CACNA1B: variants seen among roughly 807,000 people sequenced by gnomAD.
CACNA1B encodes calcium voltage-gated channel subunit alpha1 B, also known as voltage-dependent N-type calcium channel subunit alpha-1B.
Under a neutral mutation model 247.2 loss-of-function variants are expected in CACNA1B, and 70 were observed. The ratio of observed to expected loss-of-function variants is 0.28; its 90% confidence interval spans 0.23 to 0.35. The LOEUF is 0.35. Among genes scored for constraint, CACNA1B ranks in the 10% least tolerant of loss-of-function variants. The pLI is 1.00. For missense variants in CACNA1B, 2,367 were observed against 3,197.4 expected, an observed-to-expected ratio of 0.74 and a Z score of 6.26; for synonymous variants, 1,231 against 1,294.4, an observed-to-expected ratio of 0.95 and a Z score of 1.05.
chr9:137,922,174 G>A (rs531719607), intron 6 of CACNA1B, among the ~76,000 whole-genome samples: 232 of 144,240 alleles, frequency 1.6e-3, no homozygotes, highest in Non-Finnish European at 2.1e-3. Context: ...ACACCGCACA[G>A]CATCCTGGGA....
chr9:138,065,814 A>G (rs1295270864), intron 31 of CACNA1B, among the ~76,000 whole-genome samples: 2 of 152,136 alleles, frequency 1.3e-5, no homozygotes, highest in Non-Finnish European at 2.9e-5. Context: ...TGTGGATGCT[A>G]ATGATATCTT....
intron 6 of CACNA1B, among the ~76,000 whole-genome samples, chr9:137,924,942 G>A (rs1366525961): frequency 6.6e-6 from 1 of 152,212 alleles, no homozygotes; most frequent in Non-Finnish European, 1.5e-5. Context: ...CAGGCAGCCA[G>A]TGCCTGGTTG....
At chr9:138,047,344 A>G in intron 22 of CACNA1B, 55 bp from the exon 23 acceptor site, 1 of 1,360,032 alleles carries the variant, frequency 7.4e-7, no homozygotes, top group Non-Finnish European at 1.1e-6. Flanking sequence ...CACCGAGGGC[A>G]CCCTGGCTCA....
In CACNA1B at chr9:138,073,528, C is replaced by T; in HGVS notation, c.4715C>T (p.Ala1572Val). ...INLSFLRLFR[A>V]ARLIKLLRQG... Reference sequence around the variant, plus strand: ...CTCAGCTTCCTCCGCCTCTTTCGAGCTGCGCGGCTGATCAAGCTGCTCCGC... The same window carrying T: ...CTCAGCTTCCTCCGCCTCTTTCGAGTTGCGCGGCTGATCAAGCTGCTCCGC... Residue 1572 changes from alanine (A) to valine (V), a missense_variant, in exon 33 of 47, where the codon GCT becomes GTT. Transcript: ENST00000371372. This position sits in a 1 kb window ranked among gnomAD's most constrained non-coding sequence, Gnocchi z 6.4. 1.9e-6 allele frequency: 3 copies of T among 1,613,284 alleles called. No homozygotes were observed. Among genetic ancestry groups the T allele is most frequent in the Non-Finnish European group, 2.5e-6 (3 of 1,179,296 alleles).
Position 138,010,152 on chromosome 9 carries a change from C to A in CACNA1B, c.2160+75C>A. ...GGCCGCAGCCAGGAAGAGTCTGGGT[C>A]CTGGGTTAGGGCCTCGTGTCCAGGA... is the stretch of plus-strand genomic sequence containing the variant. On this transcript the variant is annotated intron_variant, in intron 17 of 46. Coordinates refer to ENST00000371372, the MANE Select transcript of CACNA1B (RefSeq NM_000718.4). The surrounding 1 kb of genome is among the most constrained non-coding windows in gnomAD (Gnocchi z 5.3). The A allele has an allele frequency of 7.9e-7, 1 of 1,261,236 alleles. No individual in the cohort carries two copies. Among genetic ancestry groups the A allele is most frequent in the Non-Finnish European group, 1.2e-6 (1 of 862,126 alleles). 78.1% of individuals were successfully genotyped at this position (1,261,236 alleles called of 1,614,324 possible). A position where few individuals can be genotyped will look rare whatever the true frequency, so the allele number is the denominator to read the frequency against.
intron 20 of CACNA1B, among the ~76,000 whole-genome samples, chr9:138,029,609 CTTTTT>C (rs11320503): frequency 8.6e-6 from 1 of 115,824 alleles, no homozygotes. Flanking sequence ...TTTTCTTTTC[CTTTTT>C]TTTTTTTTTT....
intron 31 of CACNA1B, among the ~76,000 whole-genome samples, chr9:138,062,946 A>G (rs536331235): frequency 2.6e-4 from 39 of 152,366 alleles, no homozygotes; most frequent in South Asian, 1.7e-3. Flanking sequence ...TGTGAGGTGC[A>G]ATCACTAACT....
rs1292915376 is a variant in CACNA1B, at chr9:138,100,577, A to G, written c.5223-2134A>G. 6.6e-6 allele frequency among the ~76,000 whole-genome samples: 1 copy of G among 152,178 alleles called. No homozygotes were observed. The highest frequency in any genetic ancestry group is 1.5e-5 in the Non-Finnish European group (1 of 68,022). On this transcript the variant is annotated intron_variant, in intron 37 of 46. Coordinates refer to ENST00000371372, the MANE Select transcript of CACNA1B (RefSeq NM_000718.4). The surrounding 1 kb of genome is among the most constrained non-coding windows in gnomAD (Gnocchi z 4.6). Reference sequence around the variant, plus strand: ...GATTGGACCGAGGGGGCTACACTGTAGGAGAGAGGAGCATTGGTGGTGATC... The same window carrying G: ...GATTGGACCGAGGGGGCTACACTGTGGGAGAGAGGAGCATTGGTGGTGATC...
chr9:138,052,250 G>T lies in CACNA1B; in HGVS notation c.3807+62G>T. ...TGTGTGTGTGCGTGTGTGTGTGTGC[G>T]TGTGTGTGTGTGTATGCATGCAGTG... On this transcript the variant is annotated intron_variant, in intron 25 of 46. Coordinates refer to ENST00000371372, the MANE Select transcript of CACNA1B (RefSeq NM_000718.4). The surrounding 1 kb of genome is among the most constrained non-coding windows in gnomAD (Gnocchi z 5.1). 1 of 603,734 alleles carries T rather than the reference G, an allele frequency of 1.7e-6. No homozygotes were observed. Among genetic ancestry groups the T allele is most frequent in the Non-Finnish European group, 2.7e-6 (1 of 377,354 alleles). 37.4% of individuals were successfully genotyped at this position (603,734 alleles called of 1,614,324 possible).
chr9:137,931,931 C>A (rs1346494617), intron 6 of CACNA1B, among the ~76,000 whole-genome samples: 3 of 152,094 alleles, frequency 2.0e-5, no homozygotes, highest in Non-Finnish European at 2.9e-5. Flanking sequence ...ACCAGGAGCC[C>A]CATGACTCAG....
At chr9:138,087,410 G>GA (rs1206209496) in intron 36 of CACNA1B, among the ~76,000 whole-genome samples, 2 of 125,708 alleles carry the variant, frequency 1.6e-5, no homozygotes, top group East Asian at 2.7e-4. Context: ...AAAAGAAAAA[G>GA]AAAAAAAAGA....
At chr9:137,935,347 T>C (rs1245355987) in intron 6 of CACNA1B, among the ~76,000 whole-genome samples, 2 of 152,244 alleles carry the variant, frequency 1.3e-5, no homozygotes, top group South Asian at 4.2e-4. Context: ...AGTGAGAACA[T>C]GCGGTGTTTG....
chr9:137,960,260 CACCCGGAGAGAA>C (rs1564208769), intron 10 of CACNA1B, among the ~76,000 whole-genome samples: 750 of 6,236 alleles, frequency 0.12, no homozygotes, highest in Middle Eastern at 0.18. Context: ...GCCTGAGGGA[CACCCGGAGAGAA>C]GGGAGGTCCG....
chr9:137,991,674 G>A (rs1388143562), intron 15 of CACNA1B, among the ~76,000 whole-genome samples: 2 of 152,160 alleles, frequency 1.3e-5, no homozygotes, highest in Non-Finnish European at 2.9e-5. Flanking sequence ...AATCTTAAGA[G>A]CTATGAGGCA....
chr9:138,052,241 T>C lies in CACNA1B; in HGVS notation c.3807+53T>C, dbSNP rs779155739. ...GATGTGCTGTGTGTGTGTGCGTGTG[T>C]GTGTGTGCGTGTGTGTGTGTGTATG... On this transcript the variant is annotated intron_variant, in intron 25 of 46. Transcript: ENST00000371372. This position sits in a 1 kb window ranked among gnomAD's most constrained non-coding sequence, Gnocchi z 5.1. 69 of 843,556 alleles carry C rather than the reference T, an allele frequency of 8.2e-5. No individual in the cohort carries two copies. The Middle Eastern group carries it at 1.7e-3, about 20-fold the overall frequency. 52.3% of individuals were successfully genotyped at this position (843,556 alleles called of 1,614,324 possible).
chr9:137,921,914 T>C (rs1205271387), intron 6 of CACNA1B, among the ~76,000 whole-genome samples: 2 of 139,452 alleles, frequency 1.4e-5, no homozygotes. Flanking sequence ...GAGTAAAGCG[T>C]TCGGAGAACA....
At chr9:138,009,889 G>A in intron 16 of CACNA1B, 121 bp from the exon 17 acceptor site, 1 of 724,176 alleles carries the variant, frequency 1.4e-6, no homozygotes, top group Admixed American at 2.2e-5. Flanking sequence ...GCCTTGGGGA[G>A]CTGGTAGGTG....
chr9:138,043,781 C>T lies in CACNA1B; in HGVS notation c.3294C>T (p.Asn1098=), dbSNP rs781273293. ...GGCCCTGTGTCCTTGTAGGTGGTAACGTGGACCTGGAAAGCCAAGCAGAGG... is the reference window on the plus strand; with the variant it reads ...GGCCCTGTGTCCTTGTAGGTGGTAATGTGGACCTGGAAAGCCAAGCAGAGG... ...LGEATVVPSG[N]VDLESQAEGK... is the part of the protein sequence containing the mutation. Residue 1098 remains asparagine (N), a synonymous_variant, in exon 21 of 47, where the codon AAC becomes AAT. Coordinates refer to ENST00000371372, the MANE Select transcript of CACNA1B (RefSeq NM_000718.4). 33 of 1,613,682 alleles carry T rather than the reference C, an allele frequency of 2.0e-5. No individual in the cohort carries two copies. Among genetic ancestry groups the T allele is most frequent in the African/African-American group, 9.4e-5 (7 of 74,860 alleles).
rs1957050301 is a variant in CACNA1B, at chr9:137,888,536, C to T, written c.530+5653C>T. The stretch of plus-strand genomic sequence containing the variant: ...GGGACATCAGAGAAACACATCCTGG[C>T]TCAGGCAGGTGGCTCTCCGGGGGAG... On this transcript the variant is annotated intron_variant, in intron 3 of 46. Coordinates refer to ENST00000371372, the MANE Select transcript of CACNA1B (RefSeq NM_000718.4). This position sits in a 1 kb window ranked among gnomAD's most constrained non-coding sequence, Gnocchi z 4.7. Among the ~76,000 whole-genome samples the T allele has an allele frequency of 6.6e-6, 1 of 152,228 alleles. No individual in the cohort carries two copies. Among genetic ancestry groups the T allele is most frequent in the South Asian group, 2.1e-4 (1 of 4,832 alleles).
Sources: allele counts gnomAD v4.1 joint callset (sites outside exome capture counted in the v4.1 genomes callset), GRCh38; gene constraint gnomAD v4.1.1; non-coding constraint Gnocchi (gnomAD v3.1); transcripts MANE v1.5; gene names NCBI Gene and HGNC (gene_info 2026-07-23, HGNC 2026-07-21).